GLI2: variants seen among roughly 807,000 people sequenced by gnomAD.
The protein encoded by GLI2 is transcription activator GLI2.
In GLI2, 22 loss-of-function variants were observed where a neutral mutation model predicts 78.9. The observed-to-expected ratio is 0.28, with a 90% CI of 0.20 to 0.40. The LOEUF is 0.40. GLI2 is among the 10% of genes least tolerant of loss of function. The pLI, the probability that GLI2 is intolerant of heterozygous loss-of-function variation, is 1.00. For missense variants in GLI2, 2,097 were observed against 2,213.2 expected (o/e 0.95, Z 1.05); for synonymous variants, 974 against 963.7 (o/e 1.01, Z -0.20).
At chr2:120,854,538 T>C (rs1023338075) in intron 2 of GLI2, among the ~76,000 whole-genome samples, 3 of 152,164 alleles carry the variant, frequency 2.0e-5, no homozygotes, top group African/African-American at 7.2e-5. Flanking sequence ...AGAAGAACCT[T>C]TGGAACCCTG....
At position 120,951,268 on chromosome 2, in the gene GLI2, G is replaced by A; in HGVS notation, c.280G>A (p.Val94Ile). ...HGPPALSGSP[V>I]ISDISLIRLS... ...GCCCCCTGCCCTCAGCGGCAGCCCT[G>A]TCATCTCTGACATCTCCTTGATCCG... The change falls in exon 4 of 14, where the codon GTC (valine) becomes ATC (isoleucine). Residue 94 changes from valine to isoleucine, a missense_variant. Val to Ile is a conservative substitution (Grantham distance 29). Transcript: ENST00000361492. 6.2e-7 allele frequency: 1 copy of A among 1,612,174 alleles called. No individual in the cohort carries two copies. Among genetic ancestry groups the A allele is most frequent in the Non-Finnish European group, 8.5e-7 (1 of 1,178,466 alleles).
intron 2 of GLI2, among the ~76,000 whole-genome samples, chr2:120,807,271 T>C (rs1685003151): frequency 2.0e-5 from 3 of 152,076 alleles, no homozygotes; most frequent in Non-Finnish European, 4.4e-5. Flanking sequence ...CTCGGTTGGG[T>C]ATCCTGTGCT....
intron 1 of GLI2, among the ~76,000 whole-genome samples, chr2:120,762,381 C>T (rs1207899832): frequency 6.6e-6 from 1 of 152,160 alleles, no homozygotes; most frequent in African/African-American, 2.4e-5. Context: ...CCTTAAGGTT[C>T]CCATCTGGGA....
At chr2:120,749,668 A>G (rs1682806158) in intron 1 of GLI2, among the ~76,000 whole-genome samples, 1 of 152,226 alleles carries the variant, frequency 6.6e-6, no homozygotes, top group Non-Finnish European at 1.5e-5. Context: ...GCCTGGGATC[A>G]TAATTGTTCT....
At chr2:120,945,957 TCACACA>T (rs3223143) in intron 3 of GLI2, among the ~76,000 whole-genome samples, 10 of 134,156 alleles carry the variant, frequency 7.5e-5, no homozygotes, top group Middle Eastern at 3.8e-3. Flanking sequence ...CATAACCTTC[TCACACA>T]CACACACACA....
intron 1 of GLI2, among the ~76,000 whole-genome samples, chr2:120,758,965 G>A (rs1308533164): frequency 6.6e-6 from 1 of 152,146 alleles, no homozygotes; most frequent in African/African-American, 2.4e-5. Flanking sequence ...CACGATGACT[G>A]GGGGCCAGGC....
Position 120,920,656 on chromosome 2 carries a change from C to T in GLI2, c.149-6705C>T, listed in dbSNP as rs539652334. Among the ~76,000 whole-genome samples, 192 of 152,214 alleles carry T rather than the reference C, an allele frequency of 1.3e-3. 2 individuals carry two copies. In the South Asian group the frequency reaches 0.019, roughly 15 times the overall value. On this transcript the variant is annotated intron_variant, in intron 2 of 13. Transcript: ENST00000361492. ...TTTAAAGAAAAAGCCGTCACTCCGC[C>T]GCCACCCTCAGCTTCTCAGGCTGTT...
chr2:120,903,382 G>A (rs1678360276), intron 2 of GLI2, among the ~76,000 whole-genome samples: 1 of 152,082 alleles, frequency 6.6e-6, no homozygotes, highest in Non-Finnish European at 1.5e-5. Flanking sequence ...AATTCAGACA[G>A]TTTCTTTAAA....
chr2:120,822,553 A>T (rs1685830912), intron 2 of GLI2, among the ~76,000 whole-genome samples: 1 of 152,218 alleles, frequency 6.6e-6, no homozygotes, highest in Non-Finnish European at 1.5e-5. Context: ...TGCCTCCGCA[A>T]ATCACCTGTT....
chr2:120,857,728 T>C (rs932077409), intron 2 of GLI2, among the ~76,000 whole-genome samples: 2 of 152,156 alleles, frequency 1.3e-5, no homozygotes, highest in African/African-American at 4.8e-5. Context: ...AGCATTTTCA[T>C]CCAGGTCCCA....
intron 2 of GLI2, among the ~76,000 whole-genome samples, chr2:120,857,789 C>T (rs571268595): frequency 9.9e-5 from 15 of 150,860 alleles, no homozygotes; most frequent in Non-Finnish European, 1.9e-4. Context: ...CCCCCACCAC[C>T]AGTTTCTGAT....
At chr2:120,896,270 G>A (rs988392599) in intron 2 of GLI2, among the ~76,000 whole-genome samples, 1 of 150,720 alleles carries the variant, frequency 6.6e-6, no homozygotes, top group African/African-American at 2.4e-5. Context: ...CAGCCCCCTA[G>A]CCCCACCCCA....
chr2:120,979,244 G>A (rs192747812), intron 10 of GLI2, among the ~76,000 whole-genome samples: 12 of 152,190 alleles, frequency 7.9e-5, no homozygotes, highest in East Asian at 7.7e-4. Flanking sequence ...GCTGGGATTC[G>A]TCTTGAGCCA....
chr2:120,808,378 G>A (rs1482287507), intron 2 of GLI2, among the ~76,000 whole-genome samples: 2 of 152,126 alleles, frequency 1.3e-5, no homozygotes, highest in Non-Finnish European at 2.9e-5. Context: ...TTGTGCAAAG[G>A]CCCCTGTTGT....
chr2:120,929,560 T>C (rs550735968), intron 3 of GLI2, among the ~76,000 whole-genome samples: 2 of 152,238 alleles, frequency 1.3e-5, no homozygotes, highest in East Asian at 1.9e-4. Context: ...TCTATTGTTA[T>C]GCACATGGAT....
At chr2:120,781,810 G>C (rs1358148867) in intron 1 of GLI2, among the ~76,000 whole-genome samples, 1 of 151,926 alleles carries the variant, frequency 6.6e-6, no homozygotes, top group Non-Finnish European at 1.5e-5. Flanking sequence ...TTGAACCTGG[G>C]AGGCAGAGGT....
intron 5 of GLI2, among the ~76,000 whole-genome samples, chr2:120,963,011 C>T (rs1216443850): frequency 6.6e-6 from 1 of 152,118 alleles, no homozygotes; most frequent in Non-Finnish European, 1.5e-5. Flanking sequence ...TCCTTTGAAG[C>T]GAGGATTGAC....
At chr2:120,910,840 G>C (rs548847752) in intron 2 of GLI2, among the ~76,000 whole-genome samples, 1 of 152,242 alleles carries the variant, frequency 6.6e-6, no homozygotes, top group Non-Finnish European at 1.5e-5. Flanking sequence ...CTTAGATGCC[G>C]CTGCATGGCA....
chr2:120,897,824 T>C (rs929508388), intron 2 of GLI2, among the ~76,000 whole-genome samples: 1 of 152,214 alleles, frequency 6.6e-6, no homozygotes, highest in Non-Finnish European at 1.5e-5. Flanking sequence ...TGTATTTATA[T>C]AACATGGTCA....
Sources: allele counts gnomAD v4.1 joint callset (sites outside exome capture counted in the v4.1 genomes callset), GRCh38; gene constraint gnomAD v4.1.1; transcripts MANE v1.5; gene names NCBI Gene and HGNC (gene_info 2026-07-23, HGNC 2026-07-21).